The following GNAQ variants were observed in gnomAD, a reference collection of about 807,000 sequenced individuals.
GNAQ encodes guanine nucleotide-binding protein G(q) subunit alpha.
GNAQ carries 8 observed loss-of-function variants against 43.9 expected under a neutral mutation model. The ratio of observed to expected loss-of-function variants is 0.18; its 90% CI spans 0.11 to 0.33. GNAQ has a LOEUF of 0.33. Among genes scored for constraint, GNAQ ranks in the 10% least tolerant of loss-of-function variants. GNAQ has a pLI of 1.00. For missense variants in GNAQ, 158 were observed against 450.8 expected, an observed-to-expected ratio of 0.35 and a Z score of 5.88; for synonymous variants, 155 against 170.7, an observed-to-expected ratio of 0.91 and a Z score of 0.71.
chr9:77,876,740 AAAG>A (rs1241635167), intron 2 of GNAQ, among the ~76,000 whole-genome samples: 1 of 152,272 alleles, frequency 6.6e-6, no homozygotes, highest in Non-Finnish European at 1.5e-5. Context: ...CCTACTTACA[AAAG>A]AAGAAGGCGG....
intron 2 of GNAQ, among the ~76,000 whole-genome samples, chr9:77,904,359 G>T: frequency 9.1e-6 from 1 of 110,166 alleles, no homozygotes; most frequent in Non-Finnish European, 1.7e-5. Flanking sequence ...GTGAGACAGA[G>T]TCTCGCTCTG....
intron 5 of GNAQ, among the ~76,000 whole-genome samples, chr9:77,753,942 T>C (rs1825857560): frequency 6.6e-6 from 1 of 152,188 alleles, no homozygotes; most frequent in South Asian, 2.1e-4. Context: ...CTTTCTCTTG[T>C]TTGTGTGTTG....
intron 5 of GNAQ, among the ~76,000 whole-genome samples, chr9:77,780,824 CT>C (rs1436841146): frequency 7.2e-5 from 11 of 151,922 alleles, no homozygotes; most frequent in Admixed American, 4.6e-4. Flanking sequence ...TGAGATGATA[CT>C]TTATTGTGGT....
chr9:77,840,708 A>G (rs1188633606), intron 2 of GNAQ, among the ~76,000 whole-genome samples: 2 of 152,212 alleles, frequency 1.3e-5, no homozygotes, highest in African/African-American at 4.8e-5. Flanking sequence ...AAAACAAAAA[A>G]GAAAAAAAGA....
chr9:77,792,528 A>G (rs371712772), intron 5 of GNAQ, among the ~76,000 whole-genome samples: 3 of 152,290 alleles, frequency 2.0e-5, no homozygotes, highest in African/African-American at 4.8e-5. Context: ...GAAAAATGGA[A>G]TAAATGATCT....
intron 2 of GNAQ, among the ~76,000 whole-genome samples, chr9:77,879,031 G>A (rs967578788): frequency 2.0e-5 from 3 of 151,836 alleles, no homozygotes; most frequent in Middle Eastern, 3.2e-3. Flanking sequence ...GGGTGACAGA[G>A]CAAGACTGTG....
intron 5 of GNAQ, among the ~76,000 whole-genome samples, chr9:77,736,531 T>C (rs139733705): frequency 2.0e-5 from 3 of 152,320 alleles, no homozygotes; most frequent in African/African-American, 7.2e-5. Flanking sequence ...TATGCATCAA[T>C]GTATTCTACC....
chr9:77,740,183 G>A (rs1004765492), intron 5 of GNAQ, among the ~76,000 whole-genome samples: 5 of 152,166 alleles, frequency 3.3e-5, no homozygotes, highest in African/African-American at 1.2e-4. Flanking sequence ...AACATGATAG[G>A]GTGGTATCAG....
chr9:77,866,459 A>ACC lies in GNAQ; in HGVS notation c.322-50690_322-50689insGG, dbSNP rs1166002192. Among the ~76,000 whole-genome samples, 6 of 152,320 alleles carry ACC rather than the reference A, an allele frequency of 3.9e-5. No individual in the cohort carries two copies. The East Asian group carries it at 1.2e-3, about 29-fold the overall frequency. On this transcript the variant is annotated intron_variant, in intron 2 of 6. Transcript: ENST00000286548. ...TCTCAAAAAATAAATAAATAATTAA[A>ACC]AATTAAAAATTAAAACTAAACCAAA...
At chr9:77,992,485 T>C (rs1034066008) in intron 1 of GNAQ, among the ~76,000 whole-genome samples, 2 of 152,090 alleles carry the variant, frequency 1.3e-5, no homozygotes, top group South Asian at 2.1e-4. Context: ...TCTTGGACTT[T>C]TGAGAGACAG....
At position 78,027,751 on chromosome 9, in the gene GNAQ, CAA is replaced by C. The variant is rs34880934; in HGVS notation, c.136+3347_136+3348del. On this transcript the variant is annotated intron_variant, in intron 1 of 6. Transcript: ENST00000286548. ...GGGCAACAAGAGCAAAACTCCATCT[CAA>C]AAAAAAAAAAAAAAAGACTGGCCTA... Among the ~76,000 whole-genome samples the C allele has an allele frequency of 2.1e-3, 247 of 115,448 alleles. 1 individual carries two copies. The highest frequency in any genetic ancestry group is 4.4e-3 in the African/African-American group (140 of 31,616). The allele number at this position is 115,448 out of a possible 152,430, so 75.7% of individuals were successfully genotyped here. A position where few individuals can be genotyped will look rare whatever the true frequency, so the allele number is the denominator to read the frequency against.
intron 2 of GNAQ, among the ~76,000 whole-genome samples, chr9:77,899,003 T>C (rs905640859): frequency 6.6e-6 from 1 of 152,226 alleles, no homozygotes; most frequent in Non-Finnish European, 1.5e-5. Context: ...AGCTGTACTA[T>C]AATTTACTTC....
chr9:77,806,021 C>CT (rs1826824500), intron 3 of GNAQ, among the ~76,000 whole-genome samples: 1 of 152,156 alleles, frequency 6.6e-6, no homozygotes, highest in Admixed American at 6.5e-5. Context: ...GGCCAGGCAA[C>CT]TAAGTGTCTG....
chr9:77,928,715 A>G (rs140063981), intron 1 of GNAQ, among the ~76,000 whole-genome samples: 239 of 152,318 alleles, frequency 1.6e-3, no homozygotes, highest in Non-Finnish European at 3.0e-3. Context: ...ATAAATTTGT[A>G]CACTTTAAAA....
intron 2 of GNAQ, among the ~76,000 whole-genome samples, chr9:77,869,401 C>T (rs1029688932): frequency 2.6e-5 from 4 of 152,106 alleles, no homozygotes; most frequent in Non-Finnish European, 4.4e-5. Context: ...CGGTTTCCTA[C>T]GCTTACTGGG....
At chr9:77,795,362 GAA>G (rs1399773892) in intron 4 of GNAQ, among the ~76,000 whole-genome samples, 3 of 152,170 alleles carry the variant, frequency 2.0e-5, no homozygotes, top group Admixed American at 6.5e-5. Flanking sequence ...ATGTATGTCT[GAA>G]AATATCTAGC....
At chr9:77,731,125 G>T (rs1825480528) in intron 5 of GNAQ, among the ~76,000 whole-genome samples, 1 of 152,148 alleles carries the variant, frequency 6.6e-6, no homozygotes, top group Non-Finnish European at 1.5e-5. Context: ...GGGCTCCAAG[G>T]GAAGGGGTCC....
At chr9:77,758,176 C>CCTGGACACTAGGAAAAAACCTTGTAG (rs1465550215) in intron 5 of GNAQ, among the ~76,000 whole-genome samples, 1 of 152,226 alleles carries the variant, frequency 6.6e-6, no homozygotes, top group Admixed American at 6.5e-5. Context: ...CACGCAAAGA[C>CCTGGACACTAGGAAAAAACCTTGTAG]ATTTGTCTTA....
At chr9:78,005,825 G>A (rs13301610) in intron 1 of GNAQ, among the ~76,000 whole-genome samples, 43,728 of 151,970 alleles carry the variant, frequency 0.29, 6,462 homozygotes, top group South Asian at 0.43. Context: ...TGGAAGACTC[G>A]CCCGTCTCAG....
Sources: gnomAD v4.1 joint callset for allele counts (sites outside exome capture counted in the v4.1 genomes callset) on GRCh38, gnomAD v4.1.1 for gene constraint, MANE v1.5 for transcripts, NCBI Gene and HGNC (gene_info 2026-07-23, HGNC 2026-07-21) for gene names.